CFAP57: variants seen among roughly 807,000 people sequenced by gnomAD.
The protein encoded by CFAP57 is cilia- and flagella-associated protein 57.
A neutral mutation model predicts 146.8 loss-of-function variants in CFAP57; 116 were observed. The observed-to-expected ratio is 0.79, with a 90% CI of 0.68 to 0.92. CFAP57 has a LOEUF of 0.92. Ranked by LOEUF, CFAP57 falls within the 40% of genes least tolerant of loss-of-function variation. The probability of loss-of-function intolerance (pLI) is 0.00; values close to 1 mark genes in which losing one functional copy is unlikely to be tolerated. For missense variants in CFAP57, 1,377 were observed against 1,527.2 expected (o/e 0.90, Z 1.64); for synonymous variants, 518 against 552.8 (o/e 0.94, Z 0.88).
chr1:43,233,090 G>A (rs1645538737), intron 19 of CFAP57, among the ~76,000 whole-genome samples: 1 of 152,208 alleles, frequency 6.6e-6, no homozygotes, highest in African/African-American at 2.4e-5. Context: ...CAGCTAGGTA[G>A]TACACACAGG....
At chr1:43,192,368 T>G (rs1376210691) in intron 6 of CFAP57, among the ~76,000 whole-genome samples, 2 of 152,208 alleles carry the variant, frequency 1.3e-5, no homozygotes, top group East Asian at 3.8e-4. Context: ...ACGCCTGTAA[T>G]CCCAGCACTT....
At chr1:43,178,522 A>G (rs1369010381) in intron 2 of CFAP57, among the ~76,000 whole-genome samples, 2 of 152,276 alleles carry the variant, frequency 1.3e-5, no homozygotes, top group Admixed American at 1.3e-4. Flanking sequence ...CAGCCAACCG[A>G]CACATGAAAA....
intron 12 of CFAP57, among the ~76,000 whole-genome samples, chr1:43,217,740 A>G (rs1035146264): frequency 1.3e-5 from 2 of 151,830 alleles, no homozygotes; most frequent in Non-Finnish European, 2.9e-5. Context: ...GCAACTCATC[A>G]TCCTGCCTTT....
At chr1:43,186,100 G>T (rs1406012460) in intron 5 of CFAP57, among the ~76,000 whole-genome samples, 3 of 151,032 alleles carry the variant, frequency 2.0e-5, no homozygotes, top group Admixed American at 2.0e-4. Context: ...AAATTAGCCA[G>T]ATGTGGTGGT....
At chr1:43,244,586 A>C (rs1646042350) in intron 22 of CFAP57, among the ~76,000 whole-genome samples, 1 of 152,140 alleles carries the variant, frequency 6.6e-6, no homozygotes, top group Non-Finnish European at 1.5e-5. Flanking sequence ...GGTTGATGTG[A>C]GAGCATAGCG....
chr1:43,218,816 G>A (rs1448421490), intron 12 of CFAP57, among the ~76,000 whole-genome samples: 2 of 152,236 alleles, frequency 1.3e-5, no homozygotes, highest in East Asian at 1.9e-4. Flanking sequence ...TAGACTCTAA[G>A]TTACATGGGG....
At chr1:43,250,067 A>G (rs1325672318) in intron 22 of CFAP57, among the ~76,000 whole-genome samples, 3 of 152,220 alleles carry the variant, frequency 2.0e-5, no homozygotes, top group Admixed American at 2.0e-4. Context: ...AAGTCACGTG[A>G]ACTTGAAAAT....
chr1:43,246,199 A>G (rs1227307450), intron 22 of CFAP57, among the ~76,000 whole-genome samples: 1 of 152,242 alleles, frequency 6.6e-6, no homozygotes, highest in African/African-American at 2.4e-5. Flanking sequence ...TGGAATATCA[A>G]GGTACCCTGA....
chr1:43,237,955 C>T (rs866925970), intron 21 of CFAP57, among the ~76,000 whole-genome samples: 81 of 152,158 alleles, frequency 5.3e-4, no homozygotes, highest in African/African-American at 1.8e-3. Flanking sequence ...GGCAGAAAAA[C>T]CCATTAGGAA....
intron 11 of CFAP57, among the ~76,000 whole-genome samples, chr1:43,214,186 C>T (rs1644745882): frequency 6.6e-6 from 1 of 152,178 alleles, no homozygotes; most frequent in Admixed American, 6.5e-5. Flanking sequence ...ACGCCCGCCC[C>T]TTAGCCCACT....
chr1:43,179,607 T>A (rs1645307937), intron 2 of CFAP57, among the ~76,000 whole-genome samples: 1 of 152,106 alleles, frequency 6.6e-6, no homozygotes, highest in South Asian at 2.1e-4. Flanking sequence ...GAGTGAGCAG[T>A]GTTCCTTTGC....
At chr1:43,186,020 A>G (rs907163047) in intron 5 of CFAP57, among the ~76,000 whole-genome samples, 29 of 152,176 alleles carry the variant, frequency 1.9e-4, no homozygotes, top group Admixed American at 1.1e-3. Context: ...CAGAGGTTGT[A>G]GAAAGCCAAG....
At chr1:43,192,451 G>A (rs576938755) in intron 6 of CFAP57, among the ~76,000 whole-genome samples, 76 of 152,104 alleles carry the variant, frequency 5.0e-4, no homozygotes, top group Non-Finnish European at 9.6e-4. Flanking sequence ...GAGAAACCCC[G>A]TGTCTACTAA....
chr1:43,226,917 C>A, intron 17 of CFAP57, 66 bp from the exon 18 acceptor site: 1 of 1,424,984 alleles, frequency 7.0e-7, no homozygotes, highest in Non-Finnish European at 9.2e-7. Flanking sequence ...TGCTCTTTTG[C>A]CCTAAAGGGC....
chr1:43,177,951 T>C (rs1645236735), intron 2 of CFAP57, among the ~76,000 whole-genome samples: 1 of 152,124 alleles, frequency 6.6e-6, no homozygotes, highest in Admixed American at 6.6e-5. Context: ...CACTCCTGCA[T>C]TTAGTGCTGG....
chr1:43,251,362 A>G (rs1307297820), intron 22 of CFAP57, among the ~76,000 whole-genome samples: 1 of 152,256 alleles, frequency 6.6e-6, no homozygotes, highest in African/African-American at 2.4e-5. Context: ...TTACATGGGT[A>G]AGAAAACAAG....
chr1:43,183,478 G>A, intron 3 of CFAP57, 113 bp from the exon 4 acceptor site: 1 of 945,160 alleles, frequency 1.1e-6, no homozygotes, highest in Non-Finnish European at 1.7e-6. Flanking sequence ...ATTTTGTGAT[G>A]TTTTGGAGAT....
Position 43,197,650 on chromosome 1 carries a change from G to C in CFAP57, c.1220G>C (p.Cys407Ser). Reference sequence around the variant, plus strand: ...ATCCGCAAACCCCTTATAGCCACCTGTTCTCTGGATCGATCCATCCGCCTT... The same window carrying C: ...ATCCGCAAACCCCTTATAGCCACCTCTTCTCTGGATCGATCCATCCGCCTT... Reference protein sequence around the residue: ...TCIRKPLIATCSLDRSIRLWN... With the variant: ...TCIRKPLIATSSLDRSIRLWN... Residue 407 changes from cysteine (C) to serine (S), a missense_variant, in exon 7 of 23, where the codon TGT (cysteine) becomes TCT (serine). By Grantham distance (112) the Cys-to-Ser change is moderately radical (BLOSUM62 -1). Transcript: ENST00000372492. 1 of 1,614,122 alleles carries C rather than the reference G, an allele frequency of 6.2e-7. No individual in the cohort carries two copies. Among genetic ancestry groups the C allele is most frequent in the South Asian group, 1.1e-5 (1 of 91,088 alleles).
At chr1:43,203,971 C>T (rs605336) in intron 9 of CFAP57, among the ~76,000 whole-genome samples, 38,224 of 152,030 alleles carry the variant, frequency 0.25, 6,626 homozygotes, top group African/African-American at 0.48. Flanking sequence ...CAGTACCATA[C>T]GTGGGTGCAT....
Sources: gnomAD v4.1 joint callset for allele counts (sites outside exome capture counted in the v4.1 genomes callset) on GRCh38, gnomAD v4.1.1 for gene constraint, MANE v1.5 for transcripts, NCBI Gene and HGNC (gene_info 2026-07-23, HGNC 2026-07-21) for gene names.